The following PDE1A variants were observed in gnomAD, a reference collection of about 807,000 sequenced individuals.
PDE1A encodes the protein dual specificity calcium/calmodulin-dependent 3',5'-cyclic nucleotide phosphodiesterase 1A.
In PDE1A, 35 loss-of-function variants were observed where a neutral mutation model predicts 61.7. The observed-to-expected ratio is 0.57, with a 90% CI of 0.43 to 0.75. The LOEUF is 0.75. Ranked by LOEUF, PDE1A falls within the 30% of genes least tolerant of loss-of-function variation. The pLI is 0.00. For missense variants in PDE1A, 597 were observed against 630.6 expected, an observed-to-expected ratio of 0.95 and a Z score of 0.57; for synonymous variants, 232 against 213.2, an observed-to-expected ratio of 1.09 and a Z score of -0.77.
At chr2:182,222,117 A>C (rs1282932626) in intron 7 of PDE1A, among the ~76,000 whole-genome samples, 1 of 152,034 alleles carries the variant, frequency 6.6e-6, no homozygotes, top group Non-Finnish European at 1.5e-5. Context: ...AGTATTATTC[A>C]TAAGTGCCCA....
At chr2:182,316,973 T>C (rs563342446) in intron 1 of PDE1A, among the ~76,000 whole-genome samples, 67 of 152,290 alleles carry the variant, frequency 4.4e-4, no homozygotes, top group African/African-American at 1.6e-3. Context: ...ATTTTCATTG[T>C]TCTTCCTCTG....
At chr2:182,676,114 C>CA in the PDE1A span, among the ~76,000 whole-genome samples, 3 of 150,814 alleles carry the variant, frequency 2.0e-5, no homozygotes, top group African/African-American at 7.3e-5. Flanking sequence ...TAATTCAGAC[C>CA]AAAAAAAACC....
At chr2:182,414,058 T>A (rs1029234221) in intron 1 of PDE1A, among the ~76,000 whole-genome samples, 1 of 151,766 alleles carries the variant, frequency 6.6e-6, no homozygotes, top group African/African-American at 2.4e-5. Context: ...CAGAATAGAG[T>A]TGAGATCTGC....
At chr2:182,662,329 TGA>T in the PDE1A span, among the ~76,000 whole-genome samples, 1 of 106,294 alleles carries the variant, frequency 9.4e-6, no homozygotes, top group South Asian at 3.1e-4. Context: ...GCTTAAAAAT[TGA>T]AAAAAAAAAG....
At chr2:182,592,932 C>A in the PDE1A span, among the ~76,000 whole-genome samples, 1 of 152,090 alleles carries the variant, frequency 6.6e-6, no homozygotes, top group African/African-American at 2.4e-5. Context: ...ACGAGGTGAC[C>A]CAGAGGCCTT....
chr2:182,427,065 A>C (rs886408932), upstream of PDE1A: 19 of 976,372 alleles, frequency 1.9e-5, no homozygotes, highest in African/African-American at 3.2e-4. Context: ...TTTAAAACAG[A>C]CTGTTCTGAG....
At chr2:182,294,881 T>C (rs1466834616) in intron 1 of PDE1A, among the ~76,000 whole-genome samples, 2 of 151,706 alleles carry the variant, frequency 1.3e-5, no homozygotes, top group Non-Finnish European at 2.9e-5. Context: ...ATCAAAGTTA[T>C]AAGGGAACAG....
chr2:182,449,006 G>C (rs1685322732), intron 2 of PDE1A, among the ~76,000 whole-genome samples: 1 of 149,254 alleles, frequency 6.7e-6, no homozygotes, highest in Admixed American at 6.8e-5. Flanking sequence ...ATAAGTATTG[G>C]AGATTAACAG....
intron 1 of PDE1A, among the ~76,000 whole-genome samples, chr2:182,295,215 C>T (rs1180565233): frequency 1.3e-5 from 2 of 151,430 alleles, no homozygotes; most frequent in African/African-American, 4.9e-5. Context: ...GCTGGGACTA[C>T]AGGCGCCCAC....
intron 10 of PDE1A, among the ~76,000 whole-genome samples, chr2:182,192,438 G>T (rs1685779104): frequency 6.6e-6 from 1 of 151,980 alleles, no homozygotes; most frequent in Non-Finnish European, 1.5e-5. Flanking sequence ...AAGATTAGTA[G>T]GGGGCCCTGT....
At chr2:182,689,464 T>C in the PDE1A span, among the ~76,000 whole-genome samples, 1 of 152,002 alleles carries the variant, frequency 6.6e-6, no homozygotes, top group Non-Finnish European at 1.5e-5. Flanking sequence ...GAAATAAAAA[T>C]GTTCTTTGAA....
At chr2:182,387,197 G>A (rs1701160917) in intron 1 of PDE1A, among the ~76,000 whole-genome samples, 2 of 152,166 alleles carry the variant, frequency 1.3e-5, no homozygotes, top group African/African-American at 2.4e-5. Flanking sequence ...GATGTGCTTT[G>A]TTAAGCAGAT....
chr2:182,600,724 T>G, the PDE1A span, among the ~76,000 whole-genome samples: 1 of 152,246 alleles, frequency 6.6e-6, no homozygotes, highest in African/African-American at 2.4e-5. Context: ...ATGACCACTT[T>G]GTAAAAATAT....
the PDE1A span, among the ~76,000 whole-genome samples, chr2:182,686,923 C>T: frequency 6.6e-6 from 1 of 151,178 alleles, no homozygotes; most frequent in South Asian, 2.1e-4. Flanking sequence ...CATGGAGCCT[C>T]GCTCAGTGCT....
At chr2:182,549,647 C>G in the PDE1A span, among the ~76,000 whole-genome samples, 1 of 152,066 alleles carries the variant, frequency 6.6e-6, no homozygotes, top group South Asian at 2.1e-4. Flanking sequence ...CTGGGGAACT[C>G]TCTTCCAATT....
chr2:182,186,410 G>A (rs1185261769), intron 12 of PDE1A, 58 bp downstream of exon 12: 7 of 1,559,388 alleles, frequency 4.5e-6, no homozygotes, highest in Non-Finnish European at 6.1e-6. Context: ...AATCATTAAG[G>A]AAAGTGTTAC....
the PDE1A span, among the ~76,000 whole-genome samples, chr2:182,695,008 AT>A: frequency 8.5e-5 from 13 of 152,092 alleles, no homozygotes; most frequent in Admixed American, 2.0e-4. Context: ...CCATTGTAAA[AT>A]TTTTTTAATT....
At chr2:182,323,906 C>T (rs201814880) in intron 1 of PDE1A, among the ~76,000 whole-genome samples, 2 of 152,222 alleles carry the variant, frequency 1.3e-5, no homozygotes, top group African/African-American at 4.8e-5. Context: ...ACTGTAGGGC[C>T]TGACATTGCA....
intron 7 of PDE1A, among the ~76,000 whole-genome samples, chr2:182,207,571 A>C (rs1160483547): frequency 6.6e-6 from 1 of 152,254 alleles, no homozygotes; most frequent in Non-Finnish European, 1.5e-5. Flanking sequence ...GCAGAGCATA[A>C]AAGTTTAAAA....
Sources: allele counts gnomAD v4.1 joint callset (sites outside exome capture counted in the v4.1 genomes callset), GRCh38; gene constraint gnomAD v4.1.1; transcripts MANE v1.5; gene names NCBI Gene and HGNC (gene_info 2026-07-23, HGNC 2026-07-21).